The following SLC39A11 variants were observed in gnomAD, a reference collection of about 807,000 sequenced individuals.
SLC39A11 encodes the protein solute carrier family 39 member 11.
A neutral mutation model predicts 36.1 loss-of-function variants in SLC39A11; 33 were observed. The ratio of observed to expected loss-of-function variants is 0.91; its 90% confidence interval spans 0.69 to 1.22. SLC39A11 has a LOEUF of 1.22. SLC39A11 is among the 50% of genes most tolerant of loss of function. The pLI, the probability that SLC39A11 is intolerant of heterozygous loss-of-function variation, is 0.00. For missense variants in SLC39A11, 432 were observed against 430.3 expected, an observed-to-expected ratio of 1.00 and a Z score of -0.03; for synonymous variants, 166 against 170.3, an observed-to-expected ratio of 0.97 and a Z score of 0.20.
chr17:72,918,478 T>C (rs1472236446), intron 5 of SLC39A11, among the ~76,000 whole-genome samples: 2 of 152,138 alleles, frequency 1.3e-5, no homozygotes, highest in South Asian at 2.1e-4. Flanking sequence ...ACTCCTAATG[T>C]CCCTGATTCA....
At chr17:72,666,487 G>A (rs953971714) in intron 7 of SLC39A11, among the ~76,000 whole-genome samples, 5 of 152,184 alleles carry the variant, frequency 3.3e-5, no homozygotes, top group Non-Finnish European at 5.9e-5. Flanking sequence ...AATAACATAC[G>A]CTCTCAATAG....
chr17:72,684,754 A>T (rs2071666928), intron 7 of SLC39A11, among the ~76,000 whole-genome samples: 1 of 152,208 alleles, frequency 6.6e-6, no homozygotes, highest in Non-Finnish European at 1.5e-5. Context: ...CTACGGTGTC[A>T]TCAGAGAGCT....
chr17:72,680,484 T>G (rs963421800), intron 7 of SLC39A11, among the ~76,000 whole-genome samples: 1 of 152,174 alleles, frequency 6.6e-6, no homozygotes, highest in East Asian at 1.9e-4. Flanking sequence ...TCTCATGAGA[T>G]CTGATGGTTT....
At chr17:72,981,594 CAA>C (rs11444135) in intron 4 of SLC39A11, among the ~76,000 whole-genome samples, 42 of 131,254 alleles carry the variant, frequency 3.2e-4, no homozygotes, top group African/African-American at 7.1e-4. Flanking sequence ...TATTTAAATG[CAA>C]AAAAAAAAAA....
chr17:73,081,145 C>G (rs11077659), intron 3 of SLC39A11, among the ~76,000 whole-genome samples: 45,428 of 151,832 alleles, frequency 0.3, 7,140 homozygotes, highest in Middle Eastern at 0.49. Context: ...ACAATCCCAT[C>G]AACAAGTGGC....
chr17:72,731,206 C>T (rs1450574984), intron 7 of SLC39A11, among the ~76,000 whole-genome samples: 1 of 152,210 alleles, frequency 6.6e-6, no homozygotes, highest in Non-Finnish European at 1.5e-5. Flanking sequence ...GTTACTTTTT[C>T]TTGGCACTTT....
intron 7 of SLC39A11, among the ~76,000 whole-genome samples, chr17:72,717,209 G>A (rs1289705474): frequency 6.6e-6 from 1 of 151,040 alleles, no homozygotes; most frequent in Non-Finnish European, 1.5e-5. Context: ...GGAAAAAAAA[G>A]TGGCCTTGGG....
intron 5 of SLC39A11, among the ~76,000 whole-genome samples, chr17:72,906,168 T>G (rs543380706): frequency 6.6e-6 from 1 of 152,214 alleles, no homozygotes; most frequent in South Asian, 2.1e-4. Context: ...ACAAGTCACA[T>G]GGGAGAGAGG....
intron 6 of SLC39A11, among the ~76,000 whole-genome samples, chr17:72,758,661 G>A (rs1430881521): frequency 1.3e-5 from 2 of 152,150 alleles, no homozygotes; most frequent in African/African-American, 2.4e-5. Flanking sequence ...ATGAACTACT[G>A]GGAAGGTCAG....
At chr17:73,075,632 C>T (rs1337200826) in intron 3 of SLC39A11, among the ~76,000 whole-genome samples, 3 of 152,160 alleles carry the variant, frequency 2.0e-5, no homozygotes, top group Admixed American at 2.0e-4. Context: ...GTGGGTGGAT[C>T]ACCTGAGGTA....
chr17:73,023,718 T>C (rs918616565), intron 4 of SLC39A11, among the ~76,000 whole-genome samples: 3 of 152,226 alleles, frequency 2.0e-5, no homozygotes, highest in Non-Finnish European at 4.4e-5. Flanking sequence ...CTCGATCTCC[T>C]GACTGCGTGA....
intron 7 of SLC39A11, among the ~76,000 whole-genome samples, chr17:72,658,676 A>G (rs901068687): frequency 6.6e-6 from 1 of 152,204 alleles, no homozygotes; most frequent in Non-Finnish European, 1.5e-5. Flanking sequence ...TGTGATGTGT[A>G]GTGCCAGTCA....
intron 5 of SLC39A11, among the ~76,000 whole-genome samples, chr17:72,857,224 A>C (rs2079693100): frequency 6.6e-6 from 1 of 152,196 alleles, no homozygotes; most frequent in Admixed American, 6.5e-5. Flanking sequence ...TGTAAGTGAG[A>C]ACAACTGGCA....
chr17:72,857,216 T>C (rs1355081622), intron 5 of SLC39A11, among the ~76,000 whole-genome samples: 1 of 152,214 alleles, frequency 6.6e-6, no homozygotes, highest in African/African-American at 2.4e-5. Flanking sequence ...CTTCCACTTG[T>C]AAGTGAGAAC....
intron 7 of SLC39A11, among the ~76,000 whole-genome samples, chr17:72,718,922 G>A (rs985956329): frequency 1.3e-5 from 2 of 152,080 alleles, no homozygotes; most frequent in African/African-American, 4.8e-5. Context: ...GAGCCACCAT[G>A]CCTGGCTAGA....
chr17:72,786,870 A>G lies in SLC39A11; in HGVS notation c.602-50151T>C, dbSNP rs112937652. ...AGTTTCACTTTTTCACCCGGGCTGA[A>G]GTGCAATGGCGCAATCTTGGCTCAT... On this transcript the variant is annotated intron_variant, in intron 6 of 9. Coordinates refer to ENST00000255559, the MANE Select transcript of SLC39A11 (RefSeq NM_139177.4). 4.1e-4 allele frequency among the ~76,000 whole-genome samples: 62 copies of G among 152,320 alleles called. 1 individual carries two copies. Among genetic ancestry groups the G allele is most frequent in the East Asian group, 1.2e-3 (6 of 5,186 alleles).
intron 4 of SLC39A11, among the ~76,000 whole-genome samples, chr17:73,007,602 G>A (rs980928560): frequency 6.6e-5 from 10 of 152,180 alleles, no homozygotes; most frequent in Non-Finnish European, 1.2e-4. Flanking sequence ...ACAGTGTGAC[G>A]TGTGCTGAGA....
intron 6 of SLC39A11, among the ~76,000 whole-genome samples, chr17:72,809,796 G>A (rs531577818): frequency 1.6e-4 from 24 of 152,242 alleles, no homozygotes; most frequent in East Asian, 3.9e-4. Context: ...GAGTTTGGGC[G>A]TGGTGGCTCA....
intron 6 of SLC39A11, among the ~76,000 whole-genome samples, chr17:72,800,678 C>A (rs992452242): frequency 1.3e-5 from 2 of 152,070 alleles, no homozygotes; most frequent in African/African-American, 4.8e-5. Context: ...TTCAGTAAAA[C>A]CATTTTCTTT....
Sources: gnomAD v4.1 joint callset for allele counts (sites outside exome capture counted in the v4.1 genomes callset) on GRCh38, gnomAD v4.1.1 for gene constraint, MANE v1.5 for transcripts, NCBI Gene and HGNC (gene_info 2026-07-23, HGNC 2026-07-21) for gene names.